ASTN2: variants seen among roughly 807,000 people sequenced by gnomAD.
ASTN2 encodes the protein astrotactin 2.
ASTN2 carries 54 observed loss-of-function variants against 139.8 expected under a neutral mutation model. The ratio of observed to expected loss-of-function variants is 0.39; its 90% CI spans 0.31 to 0.48. The LOEUF (loss-of-function observed/expected upper bound fraction) is 0.48. Ranked by LOEUF, ASTN2 falls within the 20% of genes least tolerant of loss-of-function variation. The pLI is 0.95. For synonymous variants in ASTN2, 756 were observed against 719.5 expected (o/e 1.05, Z -0.81); for missense variants, 1,565 against 1,725.1 (o/e 0.91, Z 1.64).
intron 3 of ASTN2, among the ~76,000 whole-genome samples, chr9:117,186,357 T>C (rs886514061): frequency 1.2e-4 from 18 of 149,902 alleles, no homozygotes; most frequent in African/African-American, 3.4e-4. Flanking sequence ...CCACCCTGGC[T>C]AACACGGTGA....
chr9:116,651,919 G>T, intron 16 of ASTN2, 126 bp from the exon 17 acceptor site: 1 of 1,208,092 alleles, frequency 8.3e-7, no homozygotes, highest in Non-Finnish European at 1.1e-6. Context: ...AAAGATGATA[G>T]AGTGATTTAT....
intron 19 of ASTN2, among the ~76,000 whole-genome samples, chr9:116,545,029 C>T (rs1488234697): frequency 6.6e-6 from 1 of 152,206 alleles, no homozygotes; most frequent in African/African-American, 2.4e-5. Context: ...GGCCCGGCTC[C>T]TCCTCAGCCT....
At chr9:116,810,624 A>G in intron 12 of ASTN2, among the ~76,000 whole-genome samples, 1 of 152,226 alleles carries the variant, frequency 6.6e-6, no homozygotes. Context: ...CTACGAACAT[A>G]AAGAACTTAA....
chr9:117,141,628 A>C, intron 3 of ASTN2, 150 bp from the exon 4 acceptor site: 1 of 541,972 alleles, frequency 1.8e-6, no homozygotes, highest in Non-Finnish European at 2.8e-6. Flanking sequence ...TCCCTGACCC[A>C]TTGAAGATAT....
intron 16 of ASTN2, chr9:116,686,648 C>G: frequency 6.5e-7 from 1 of 1,527,514 alleles, no homozygotes; most frequent in East Asian, 2.5e-5. Context: ...GGTAAGATTC[C>G]TCCACCTTCA....
chr9:117,082,133 A>G (rs1378139883), intron 5 of ASTN2, among the ~76,000 whole-genome samples: 1 of 151,822 alleles, frequency 6.6e-6, no homozygotes. Flanking sequence ...CAACTAGAAC[A>G]CTCCTGAGCT....
At chr9:116,820,885 A>T in intron 11 of ASTN2, 102 bp from the exon 12 acceptor site, 1 of 1,232,406 alleles carries the variant, frequency 8.1e-7, no homozygotes. Flanking sequence ...AGGGCCTGAC[A>T]GAAAGGTATT....
At chr9:116,984,428 T>C (rs530680446) in intron 7 of ASTN2, among the ~76,000 whole-genome samples, 1 of 152,328 alleles carries the variant, frequency 6.6e-6, no homozygotes, top group South Asian at 2.1e-4. Flanking sequence ...ACCTTATCAA[T>C]AACTCTGCCT....
At chr9:116,644,098 G>A (rs1857472912) in intron 17 of ASTN2, among the ~76,000 whole-genome samples, 1 of 152,142 alleles carries the variant, frequency 6.6e-6, no homozygotes, top group Non-Finnish European at 1.5e-5. Flanking sequence ...GCATAGTGGT[G>A]GCGGTAGTGG....
chr9:116,881,067 G>A (rs1388172695), intron 10 of ASTN2, among the ~76,000 whole-genome samples: 1 of 152,128 alleles, frequency 6.6e-6, no homozygotes, highest in African/African-American at 2.4e-5. Context: ...AGGAGAAAAG[G>A]AAGAAAATAG....
intron 5 of ASTN2, among the ~76,000 whole-genome samples, chr9:117,080,561 G>A (rs1828400386): frequency 6.6e-6 from 1 of 152,050 alleles, no homozygotes; most frequent in Non-Finnish European, 1.5e-5. Context: ...GCAGGAAATG[G>A]GGATGGGGAA....
At chr9:117,306,776 C>T (rs143436871) in intron 1 of ASTN2, among the ~76,000 whole-genome samples, 1 of 152,280 alleles carries the variant, frequency 6.6e-6, no homozygotes, top group African/African-American at 2.4e-5. Context: ...CCCATCCACT[C>T]ATCCCATGCA....
intron 10 of ASTN2, among the ~76,000 whole-genome samples, chr9:116,952,632 C>G (rs527853807): frequency 5.1e-4 from 78 of 152,232 alleles, no homozygotes; most frequent in African/African-American, 1.8e-3. Context: ...GCCGTCTTTG[C>G]AGAAATGAAT....
chr9:116,541,227 A>G (rs1212940329), intron 19 of ASTN2, among the ~76,000 whole-genome samples: 1 of 152,210 alleles, frequency 6.6e-6, no homozygotes, highest in African/African-American at 2.4e-5. Flanking sequence ...AGAAAATAAA[A>G]TGTGATCATA....
intron 1 of ASTN2, among the ~76,000 whole-genome samples, chr9:117,323,024 G>A (rs902374403): frequency 2.6e-5 from 4 of 151,876 alleles, no homozygotes; most frequent in Non-Finnish European, 5.9e-5. Context: ...AAAATACTAC[G>A]GTATTCCAAT....
chr9:117,034,324 A>C (rs1398945070), intron 6 of ASTN2, among the ~76,000 whole-genome samples: 1 of 152,208 alleles, frequency 6.6e-6, no homozygotes, highest in East Asian at 1.9e-4. Flanking sequence ...GGCTAACTGC[A>C]TGGCAATTTT....
Position 116,508,938 on chromosome 9 carries a change from C to G in ASTN2, c.3356-21438G>C, listed in dbSNP as rs1194955254. Among the ~76,000 whole-genome samples the G allele has an allele frequency of 2.0e-5, 3 of 152,274 alleles. No homozygotes were observed. In the East Asian group the frequency reaches 5.8e-4, roughly 29 times the overall value. On this transcript the variant is annotated intron_variant, in intron 19 of 22. Transcript: ENST00000313400. The stretch of plus-strand genomic sequence containing the variant: ...AGGTGTCACCATCCAGGTGGCACTT[C>G]TGAGTGTGGGCTCAGCATCTACAGC...
chr9:116,709,831 T>C lies in ASTN2; in HGVS notation c.2806+15940A>G, dbSNP rs185570672. 1.5e-3 allele frequency among the ~76,000 whole-genome samples: 226 copies of C among 152,294 alleles called. 4 individuals are homozygous for C. Among genetic ancestry groups the C allele is most frequent in the Non-Finnish European group, 1.6e-3 (112 of 68,010 alleles). On this transcript the variant is annotated intron_variant, in intron 16 of 22. Coordinates refer to ENST00000313400, the MANE Select transcript of ASTN2 (RefSeq NM_001365068.1). Reference sequence around the variant, plus strand: ...TAATATTGGGCTCTTGTACAAGGCATTTAATGGAACTTTCACCTCCCTTAC... The same window carrying C: ...TAATATTGGGCTCTTGTACAAGGCACTTAATGGAACTTTCACCTCCCTTAC...
intron 13 of ASTN2, among the ~76,000 whole-genome samples, chr9:116,763,702 A>G (rs948754120): frequency 6.6e-6 from 1 of 152,174 alleles, no homozygotes; most frequent in African/African-American, 2.4e-5. Context: ...TTTGTGGGTA[A>G]AGTGGGGATG....
Sources: allele counts gnomAD v4.1 joint callset (sites outside exome capture counted in the v4.1 genomes callset), GRCh38; gene constraint gnomAD v4.1.1; transcripts MANE v1.5; gene names NCBI Gene and HGNC (gene_info 2026-07-23, HGNC 2026-07-21).